The following GRB10 variants were observed in gnomAD, a reference collection of about 807,000 sequenced individuals.
GRB10 encodes the protein growth factor receptor bound protein 10.
GRB10 carries 20 observed loss-of-function variants against 80.9 expected under a neutral mutation model. The ratio of observed to expected loss-of-function variants is 0.25; its 90% CI spans 0.17 to 0.36. The LOEUF (loss-of-function observed/expected upper bound fraction) is 0.36, where lower values mean the gene tolerates loss of function less well. Ranked by LOEUF, GRB10 falls within the 10% of genes least tolerant of loss-of-function variation. The pLI is 1.00. For missense variants in GRB10, 548 were observed against 747.7 expected (o/e 0.73, Z 3.12); for synonymous variants, 291 against 291.5 (o/e 1.00, Z 0.02).
In GRB10 at chr7:50,605,332, T is replaced by C. The variant is rs4947710; in HGVS notation, c.1347A>G (p.Ala449=). ...GQTGRVIENP[A]EAQSAALEEG... is the part of the protein sequence containing the mutation. ...CCTCCAGGGCTGCGCTCTGGGCCTC[T>C]GCCGGATTCTCTATCACGCGTCCTG... The change falls in exon 15 of 19, where the codon GCA becomes GCG. Residue 449 remains alanine, a synonymous_variant. Transcript: ENST00000401949. 1,436,003 of 1,613,938 alleles carry C rather than the reference T, an allele frequency of 0.89. 640,106 individuals are homozygous for C. Among genetic ancestry groups the C allele is most frequent in the East Asian group, 0.92 (41,489 of 44,862 alleles).
rs1283305644 is a variant in GRB10 at position 50,625,409 on chromosome 7, C to CAT, written c.661+1411_661+1412dup. On this transcript the variant is annotated intron_variant, in intron 8 of 18. Coordinates refer to ENST00000401949, the MANE Select transcript of GRB10 (RefSeq NM_001350814.2). Reference sequence around the variant, plus strand: ...TTTTATATATATATATTTTTTCATACATATATATACACATGTAGAGACACA... The same window carrying CAT: ...TTTTATATATATATATTTTTTCATACATATATATATACACATGTAGAGACACA... 2.0e-5 allele frequency among the ~76,000 whole-genome samples: 3 copies of CAT among 151,888 alleles called. No individual in the cohort carries two copies. In the East Asian group the frequency reaches 5.8e-4, roughly 29 times the overall value.
intron 5 of GRB10, among the ~76,000 whole-genome samples, chr7:50,679,230 A>G (rs984140577): frequency 6.6e-6 from 1 of 152,212 alleles, no homozygotes; most frequent in African/African-American, 2.4e-5. Context: ...CACTGTCATT[A>G]GCAAACTGAG....
chr7:50,793,000 T>G (rs1431659325), intron 1 of GRB10: 2 of 139,390 alleles, frequency 1.4e-5, no homozygotes, highest in African/African-American at 5.3e-5. Flanking sequence ...GCAGCCCCAG[T>G]CCCGCCTCCG....
Position 50,618,838 on chromosome 7 carries a change from T to C in GRB10, c.777+332A>G, listed in dbSNP as rs117599439. The stretch of plus-strand genomic sequence containing the variant: ...TTTGCAGAGAATAATGAGTTTTTCT[T>C]CTGCTAAGTGTTTGATCAGTTCAAC... On this transcript the variant is annotated intron_variant, in intron 9 of 18. Transcript: ENST00000401949. 2.1e-3 allele frequency among the ~76,000 whole-genome samples: 319 copies of C among 152,392 alleles called. 1 individual carries two copies. The highest frequency in any genetic ancestry group is 7.7e-3 in the South Asian group (37 of 4,834).
intron 5 of GRB10, among the ~76,000 whole-genome samples, chr7:50,680,236 C>A (rs2061395438): frequency 1.3e-5 from 2 of 152,158 alleles, no homozygotes; most frequent in Admixed American, 1.3e-4. Flanking sequence ...GTCTGTCCAG[C>A]AAATGCATAT....
chr7:50,680,839 C>A (rs1294470875), intron 5 of GRB10, among the ~76,000 whole-genome samples: 5 of 151,992 alleles, frequency 3.3e-5, no homozygotes, highest in Non-Finnish European at 5.9e-5. Context: ...GCTAGTGTAT[C>A]CAGGAAGGCT....
At chr7:50,789,581 C>T (rs1398006361) in intron 1 of GRB10, among the ~76,000 whole-genome samples, 1 of 152,186 alleles carries the variant, frequency 6.6e-6, no homozygotes, top group African/African-American at 2.4e-5. Flanking sequence ...GGGGTTATTC[C>T]TCCCCAGCGC....
At chr7:50,792,612 A>C (rs1022785294) in intron 1 of GRB10, 1 of 397,626 alleles carries the variant, frequency 2.5e-6, no homozygotes, top group Non-Finnish European at 4.4e-6. Context: ...ACTTGGTGTT[A>C]GGCCCCAGCG....
At chr7:50,621,545 C>T (rs975295079) in intron 8 of GRB10, among the ~76,000 whole-genome samples, 1 of 152,250 alleles carries the variant, frequency 6.6e-6, no homozygotes, top group Non-Finnish European at 1.5e-5. Flanking sequence ...CAGCTGAGTG[C>T]CCCTGGCACA....
intron 4 of GRB10, among the ~76,000 whole-genome samples, chr7:50,728,891 G>A (rs571083762): frequency 1.1e-4 from 17 of 152,170 alleles, no homozygotes; most frequent in African/African-American, 3.4e-4. Flanking sequence ...AGCTGGTCTC[G>A]AACTCCTGGC....
intron 6 of GRB10, among the ~76,000 whole-genome samples, chr7:50,673,407 T>G (rs915342598): frequency 6.6e-6 from 1 of 152,152 alleles, no homozygotes; most frequent in Admixed American, 6.5e-5. Flanking sequence ...TCTAAGGTAC[T>G]CTCAGCACCT....
upstream of GRB10, among the ~76,000 whole-genome samples, chr7:50,783,337 T>A (rs572073429): frequency 4.1e-4 from 62 of 152,174 alleles, 1 homozygote; most frequent in South Asian, 0.011. Context: ...TAGGGTCCCA[T>A]TTAAACTGAG....
At chr7:50,689,572 C>T (rs2062537503) in intron 5 of GRB10, among the ~76,000 whole-genome samples, 2 of 152,140 alleles carry the variant, frequency 1.3e-5, no homozygotes, top group Admixed American at 1.3e-4. Flanking sequence ...CGCCCTCGAA[C>T]ACCAAGCATT....
At chr7:50,697,965 A>C (rs1189373970) in intron 5 of GRB10, among the ~76,000 whole-genome samples, 1 of 152,216 alleles carries the variant, frequency 6.6e-6, no homozygotes, top group Non-Finnish European at 1.5e-5. Context: ...CACTTAAAAG[A>C]AGGATCTGTG....
At chr7:50,732,745 G>A (rs754489013) in intron 3 of GRB10, among the ~76,000 whole-genome samples, 2 of 152,158 alleles carry the variant, frequency 1.3e-5, no homozygotes, top group African/African-American at 2.4e-5. Context: ...TAGGGATTCA[G>A]ACAAATTCCA....
chr7:50,778,569 T>C (rs2077945808), intron 2 of GRB10, among the ~76,000 whole-genome samples: 1 of 152,194 alleles, frequency 6.6e-6, no homozygotes, highest in South Asian at 2.1e-4. Flanking sequence ...AGACTCACAG[T>C]GCAAGCAAGA....
chr7:50,679,923 CCTT>C (rs1052884328), intron 5 of GRB10, among the ~76,000 whole-genome samples: 32 of 152,362 alleles, frequency 2.1e-4, no homozygotes, highest in Admixed American at 6.5e-4. Flanking sequence ...TATAACTTAA[CCTT>C]CTACTGAAAC....
chr7:50,696,964 G>A (rs1413295198), intron 5 of GRB10, among the ~76,000 whole-genome samples: 1 of 152,164 alleles, frequency 6.6e-6, no homozygotes, highest in Admixed American at 6.5e-5. Context: ...TCCACACAAT[G>A]GAATATTATT....
intron 7 of GRB10, among the ~76,000 whole-genome samples, chr7:50,641,316 C>T (rs1276186236): frequency 6.6e-6 from 1 of 151,864 alleles, no homozygotes; most frequent in East Asian, 1.9e-4. Context: ...CAGCTTCTTC[C>T]ACTCTCAGCC....
Sources: allele counts gnomAD v4.1 joint callset (sites outside exome capture counted in the v4.1 genomes callset), GRCh38; gene constraint gnomAD v4.1.1; transcripts MANE v1.5; gene names NCBI Gene and HGNC (gene_info 2026-07-23, HGNC 2026-07-21).